Variants in FBXL18 observed in about 807,000 individuals in gnomAD.
FBXL18 encodes the protein F-box/LRR-repeat protein 18.
A neutral mutation model predicts 46.0 loss-of-function variants in FBXL18; 36 were observed. That is an observed-to-expected ratio of 0.78 (90% CI 0.60 to 1.03). The LOEUF is 1.03. FBXL18 is among the 50% of genes least tolerant of loss of function. The probability of loss-of-function intolerance (pLI) is 0.00; values close to 1 mark genes in which losing one functional copy is unlikely to be tolerated. For synonymous variants in FBXL18, 557 were observed against 465.3 expected (o/e 1.20, Z -2.54); for missense variants, 977 against 1,004.1 (o/e 0.97, Z 0.36).
rs1783559821 is a variant in FBXL18, at chr7:5,478,141, G to C, written c.*3634C>G. 1.3e-5 allele frequency: 2 copies of C among 152,388 alleles called. No homozygotes were observed. The highest frequency in any genetic ancestry group is 2.1e-4 in the South Asian group (1 of 4,836). The allele number at this position is 152,388 out of a possible 1,614,324, so 9.4% of individuals were successfully genotyped here. On this transcript the variant is annotated 3_prime_UTR_variant, in exon 5 of 5. Transcript: ENST00000382368. ...CTGGCTGCCGTCCTGGGTCGAAGCA[G>C]CAAGTGTCTTCCCGCCCTGTGCACA...
At chr7:5,489,018 A>T (rs1783845540) in intron 4 of FBXL18, among the ~76,000 whole-genome samples, 1 of 152,244 alleles carries the variant, frequency 6.6e-6, no homozygotes, top group South Asian at 2.1e-4. Context: ...CAAGGGGCTG[A>T]GCTGGAACAT....
chr7:5,491,606 T>A (rs921849557), intron 3 of FBXL18, among the ~76,000 whole-genome samples, 157 bp from the exon 4 acceptor site: 1 of 152,186 alleles, frequency 6.6e-6, no homozygotes, highest in Non-Finnish European at 1.5e-5. Flanking sequence ...CTTGGAGTAC[T>A]GGGTGCCGAC....
chr7:5,486,058 CAAAA>C (rs1230116681), intron 4 of FBXL18, among the ~76,000 whole-genome samples: 3 of 105,858 alleles, frequency 2.8e-5, no homozygotes, highest in Middle Eastern at 5.0e-3. Context: ...GACTCTGTCT[CAAAA>C]AAATAAATAA....
At chr7:5,486,510 G>A (rs1463849332) in intron 4 of FBXL18, among the ~76,000 whole-genome samples, 3 of 152,034 alleles carry the variant, frequency 2.0e-5, no homozygotes, top group African/African-American at 7.2e-5. Context: ...AAAATTAGCC[G>A]GGAGTGGTGG....
At chr7:5,511,938 A>C (rs1196095458) in intron 1 of FBXL18, among the ~76,000 whole-genome samples, 2 of 151,890 alleles carry the variant, frequency 1.3e-5, no homozygotes, top group African/African-American at 4.8e-5. Flanking sequence ...AAAAAGAGAA[A>C]TAAAAATAAA....
At chr7:5,493,749 A>T (rs1206607394) in intron 3 of FBXL18, among the ~76,000 whole-genome samples, 1 of 151,768 alleles carries the variant, frequency 6.6e-6, no homozygotes, top group Admixed American at 6.6e-5. Context: ...TCCTGAGCTC[A>T]AGCAATCCTC....
intron 4 of FBXL18, among the ~76,000 whole-genome samples, chr7:5,469,747 T>G (rs2128231957): frequency 1.3e-5 from 2 of 152,042 alleles, no homozygotes; most frequent in Middle Eastern, 6.8e-3. Context: ...GAGGTGTGTC[T>G]GTGTGGCTGG....
rs1350717942 is a variant in FBXL18, at chr7:5,481,363, C to T, written c.*412G>A. ...AGCATGTGGCCGCCCATCCACGGGG[C>T]CCCGGTGGCAGGTGACCACAAACAC... is the stretch of plus-strand genomic sequence containing the variant. On this transcript the variant is annotated 3_prime_UTR_variant, in exon 5 of 5. Transcript: ENST00000382368. 2.4e-5 allele frequency: 4 copies of T among 170,084 alleles called. No individual in the cohort carries two copies. The highest frequency in any genetic ancestry group is 5.1e-5 in the Non-Finnish European group (4 of 77,860). The allele number at this position is 170,084 out of a possible 1,614,324, so 10.5% of individuals were successfully genotyped here.
In FBXL18 at chr7:5,513,748, C is replaced by G. The variant is rs1406618617; in HGVS notation, c.-74G>C. On this transcript the variant is annotated 5_prime_UTR_variant, in exon 1 of 5. Transcript: ENST00000382368. ...TCCCACCTGCCCGGCTAGGGATGCT[C>G]GAAGCCGGCGCGTCCACCGCTCAAC... The G allele has an allele frequency of 3.9e-6, 6 of 1,550,602 alleles. No individual in the cohort carries two copies. The highest frequency in any genetic ancestry group is 1.4e-5 in the African/African-American group (1 of 73,072).
chr7:5,465,212 A>T (rs1483013469), intron 4 of FBXL18, among the ~76,000 whole-genome samples: 3 of 151,686 alleles, frequency 2.0e-5, no homozygotes, highest in African/African-American at 7.3e-5. Context: ...TTTATTGATT[A>T]TTTTTTTTGA....
intron 4 of FBXL18, among the ~76,000 whole-genome samples, chr7:5,464,602 G>A (rs146590486): frequency 2.5e-4 from 34 of 137,150 alleles, no homozygotes; most frequent in African/African-American, 7.8e-4. Flanking sequence ...GACGAATGTT[G>A]CAGTGACCCG....
downstream of FBXL18, among the ~76,000 whole-genome samples, chr7:5,471,261 G>A (rs1040266843): frequency 5.3e-5 from 8 of 152,128 alleles, no homozygotes; most frequent in South Asian, 2.1e-4. Context: ...CACGACTCCC[G>A]AGGCTTCCAG....
At chr7:5,491,596 C>T in intron 3 of FBXL18, 147 bp from the exon 4 acceptor site, 1 of 692,566 alleles carries the variant, frequency 1.4e-6, no homozygotes, top group South Asian at 1.9e-5. Flanking sequence ...ACCACTATCC[C>T]TTGGAGTACT....
At chr7:5,505,174 G>A (rs1234608284) in intron 2 of FBXL18, among the ~76,000 whole-genome samples, 1 of 151,772 alleles carries the variant, frequency 6.6e-6, no homozygotes, top group Non-Finnish European at 1.5e-5. Flanking sequence ...AAGGCCCTAG[G>A]TTCCCTCCCA....
rs1584174986 is a variant in FBXL18, at chr7:5,455,635, G to C, written c.2001-7792C>G. Among the ~76,000 whole-genome samples, 1 of 152,186 alleles carries C rather than the reference G, an allele frequency of 6.6e-6. No homozygotes were observed. The highest frequency in any genetic ancestry group is 3.4e-3 in the Middle Eastern group (1 of 294). On this transcript the variant is annotated intron_variant and NMD_transcript_variant, in intron 4 of 6. Coordinates refer to the FBXL18 transcript ENST00000415009. The surrounding 1 kb of genome is among the most constrained non-coding windows in gnomAD (Gnocchi z 4.6). ...AAGTCGGTCCTGAGAAGATCCTCCG[G>C]GATTGCTGACCATCCACTTCCCCGC...
At chr7:5,468,232 C>T (rs2128231783) in intron 4 of FBXL18, among the ~76,000 whole-genome samples, 1 of 152,260 alleles carries the variant, frequency 6.6e-6, no homozygotes, top group Admixed American at 6.5e-5. Flanking sequence ...ATCCGCCCGC[C>T]TCGGCCTCCC....
intron 3 of FBXL18, among the ~76,000 whole-genome samples, chr7:5,493,664 TGTGC>T (rs749853034): frequency 0.017 from 1,849 of 108,918 alleles, 21 homozygotes; most frequent in African/African-American, 0.056. Flanking sequence ...TTTGTGTGTG[TGTGC>T]GTGCGTGCGT....
intron 4 of FBXL18, among the ~76,000 whole-genome samples, chr7:5,484,263 C>T (rs889102341): frequency 1.1e-4 from 17 of 151,922 alleles, no homozygotes; most frequent in Non-Finnish European, 1.5e-5. Context: ...GTCAGGAGAT[C>T]AAGACCATCC....
Position 5,513,746 on chromosome 7 carries a change from C to T in FBXL18, c.-72G>A. ...CCTCCCACCTGCCCGGCTAGGGATG[C>T]TCGAAGCCGGCGCGTCCACCGCTCA... On this transcript the variant is annotated 5_prime_UTR_variant, in exon 1 of 5. Coordinates refer to ENST00000382368, the MANE Select transcript of FBXL18 (RefSeq NM_024963.6). 3 of 1,556,676 alleles carry T rather than the reference C, an allele frequency of 1.9e-6. No homozygotes were observed. The highest frequency in any genetic ancestry group is 2.6e-6 in the Non-Finnish European group (3 of 1,150,028).
Sources: gnomAD v4.1 joint callset for allele counts (sites outside exome capture counted in the v4.1 genomes callset) on GRCh38, gnomAD v4.1.1 for gene constraint, Gnocchi (gnomAD v3.1) non-coding constraint, MANE v1.5 for transcripts, NCBI Gene and HGNC (gene_info 2026-07-23, HGNC 2026-07-21) for gene names.